The following CSMD1 variants were observed in gnomAD, a reference collection of about 807,000 sequenced individuals.
CSMD1 encodes CUB and Sushi multiple domains 1.
CSMD1 carries 213 observed loss-of-function variants against 417.5 expected under a neutral mutation model. That is an observed-to-expected ratio of 0.51 (90% confidence interval 0.46 to 0.57). CSMD1 has a LOEUF of 0.57. CSMD1 is among the 20% of genes least tolerant of loss of function. The pLI, the probability that CSMD1 is intolerant of heterozygous loss-of-function variation, is 0.00. For missense variants in CSMD1, 6,923 were observed against 4,529.7 expected, an observed-to-expected ratio of 1.53 and a Z score of -15.17; for synonymous variants, 2,862 against 1,736.8, an observed-to-expected ratio of 1.65 and a Z score of -16.11.
chr8:4,350,423 T>C (rs547860146), intron 3 of CSMD1, among the ~76,000 whole-genome samples: 11 of 152,290 alleles, frequency 7.2e-5, no homozygotes, highest in Non-Finnish European at 1.0e-4. Context: ...ATTTACTATA[T>C]CTCATCAACC....
chr8:4,099,430 A>G (rs1032917860), intron 3 of CSMD1, among the ~76,000 whole-genome samples: 2 of 151,920 alleles, frequency 1.3e-5, no homozygotes, highest in African/African-American at 4.8e-5. Context: ...CAATGCCACC[A>G]CTCAGTTCTA....
At chr8:4,605,663 C>T (rs888784298) in intron 2 of CSMD1, among the ~76,000 whole-genome samples, 2 of 152,156 alleles carry the variant, frequency 1.3e-5, no homozygotes, top group Admixed American at 6.5e-5. Context: ...CCTTATAATG[C>T]TTTAACATAT....
intron 26 of CSMD1, among the ~76,000 whole-genome samples, chr8:3,268,506 G>A (rs949695872): frequency 6.6e-6 from 1 of 151,700 alleles, no homozygotes; most frequent in Middle Eastern, 3.2e-3. Flanking sequence ...AGCCAGGATG[G>A]TCTCAATTTC....
At chr8:4,832,280 T>G (rs758613393) in intron 1 of CSMD1, among the ~76,000 whole-genome samples, 4 of 152,134 alleles carry the variant, frequency 2.6e-5, no homozygotes, top group Non-Finnish European at 5.9e-5. Flanking sequence ...TAGTTCTTCC[T>G]GAGATGTTCA....
At chr8:4,133,430 A>G (rs1803231187) in intron 3 of CSMD1, among the ~76,000 whole-genome samples, 1 of 152,186 alleles carries the variant, frequency 6.6e-6, no homozygotes, top group African/African-American at 2.4e-5. Flanking sequence ...ACATAAATTT[A>G]AATAAATGTT....
intron 1 of CSMD1, among the ~76,000 whole-genome samples, chr8:4,837,269 T>G (rs1311433929): frequency 6.6e-6 from 1 of 152,092 alleles, no homozygotes; most frequent in African/African-American, 2.4e-5. Flanking sequence ...AAAAAGGAAA[T>G]CTACACATCA....
At chr8:3,131,471 A>ATT (rs36009515) in intron 41 of CSMD1, among the ~76,000 whole-genome samples, 19 of 142,230 alleles carry the variant, frequency 1.3e-4, no homozygotes, top group African/African-American at 3.9e-4. Context: ...GCTAATACTA[A>ATT]TTTTTTTTTT....
At chr8:3,538,682 C>A (rs1010721779) in intron 10 of CSMD1, among the ~76,000 whole-genome samples, 23 of 152,216 alleles carry the variant, frequency 1.5e-4, no homozygotes, top group African/African-American at 5.1e-4. Flanking sequence ...TCCTTAGCAA[C>A]GTGGCATGGC....
intron 2 of CSMD1, among the ~76,000 whole-genome samples, chr8:4,542,028 T>C (rs1220360275): frequency 6.6e-6 from 1 of 152,046 alleles, no homozygotes; most frequent in Non-Finnish European, 1.5e-5. Flanking sequence ...TTGAAGCAAA[T>C]GTGGTCCCAG....
At chr8:3,072,301 T>C (rs1384529396) in intron 49 of CSMD1, among the ~76,000 whole-genome samples, 2 of 152,180 alleles carry the variant, frequency 1.3e-5, no homozygotes, top group Non-Finnish European at 2.9e-5. Flanking sequence ...AACCGAAGAA[T>C]ATATCAAACC....
chr8:3,739,511 C>T (rs943370627), intron 6 of CSMD1, among the ~76,000 whole-genome samples: 3 of 152,058 alleles, frequency 2.0e-5, no homozygotes, highest in South Asian at 4.2e-4. Context: ...TCTCTGTATT[C>T]CACAAATATG....
intron 15 of CSMD1, among the ~76,000 whole-genome samples, chr8:3,402,811 T>A (rs992852462): frequency 6.6e-6 from 1 of 152,130 alleles, no homozygotes; most frequent in African/African-American, 2.4e-5. Context: ...ATTTTATTAA[T>A]AGGATCCTAA....
intron 1 of CSMD1, among the ~76,000 whole-genome samples, chr8:4,899,501 T>TCTCATTGTC (rs1334908103): frequency 6.6e-6 from 1 of 152,298 alleles, no homozygotes; most frequent in Non-Finnish European, 1.5e-5. Context: ...ATATGTTAGA[T>TCTCATTGTC]CTCATTGTCT....
At chr8:4,623,981 T>A (rs1328182235) in intron 2 of CSMD1, among the ~76,000 whole-genome samples, 11 of 152,148 alleles carry the variant, frequency 7.2e-5, no homozygotes, top group Admixed American at 7.2e-4. Context: ...TGCACTTTAT[T>A]GGTTACTAAA....
chr8:3,391,382 T>C (rs1227753170), intron 17 of CSMD1, among the ~76,000 whole-genome samples: 1 of 152,206 alleles, frequency 6.6e-6, no homozygotes, highest in Non-Finnish European at 1.5e-5. Flanking sequence ...ATGGAAAACC[T>C]TCATACCCTT....
chr8:4,631,012 G>C (rs1013502725), intron 2 of CSMD1, among the ~76,000 whole-genome samples: 2 of 152,182 alleles, frequency 1.3e-5, no homozygotes, highest in African/African-American at 4.8e-5. Flanking sequence ...AGCTTTGACA[G>C]TGGCTTCACC....
At chr8:2,938,846 T>C (rs1057079455) in intron 69 of CSMD1, 102 bp from the exon 70 acceptor site, 44 of 1,017,124 alleles carry the variant, frequency 4.3e-5, no homozygotes, top group South Asian at 1.1e-4. Flanking sequence ...CAGGGAGCAG[T>C]ATAGCCAGGA....
At chr8:4,804,528 TGAGA>T (rs138277396) in intron 1 of CSMD1, among the ~76,000 whole-genome samples, 4 of 141,050 alleles carry the variant, frequency 2.8e-5, no homozygotes, top group Non-Finnish European at 6.2e-5. Flanking sequence ...AGAATGGACG[TGAGA>T]GAGAGAGAGA....
chr8:3,732,077 C>A (rs543925888), intron 6 of CSMD1, among the ~76,000 whole-genome samples: 1 of 152,206 alleles, frequency 6.6e-6, no homozygotes, highest in African/African-American at 2.4e-5. Context: ...ACCAAAGAGC[C>A]TAATAAAATG....
Sources: gnomAD v4.1 joint callset for allele counts (sites outside exome capture counted in the v4.1 genomes callset) on GRCh38, gnomAD v4.1.1 for gene constraint, MANE v1.5 for transcripts, NCBI Gene and HGNC (gene_info 2026-07-23, HGNC 2026-07-21) for gene names.